GRIK1: variants seen among roughly 807,000 people sequenced by gnomAD.
GRIK1 encodes glutamate ionotropic receptor kainate type subunit 1.
GRIK1 carries 69 observed loss-of-function variants against 105.7 expected under a neutral mutation model. That is an observed-to-expected ratio of 0.65 (90% CI 0.54 to 0.80). The LOEUF (loss-of-function observed/expected upper bound fraction) is 0.80, where lower values mean the gene tolerates loss of function less well. Ranked by LOEUF, GRIK1 falls within the 30% of genes least tolerant of loss-of-function variation. The pLI is 0.00. For missense variants in GRIK1, 1,109 were observed against 1,167.3 expected (o/e 0.95, Z 0.73); for synonymous variants, 438 against 431.3 (o/e 1.02, Z -0.19).
intron 1 of GRIK1, among the ~76,000 whole-genome samples, chr21:29,847,703 A>G (rs2244881): frequency 0.31 from 47,807 of 152,126 alleles, 8,089 homozygotes; most frequent in East Asian, 0.46. Flanking sequence ...TCTTTACTAC[A>G]TCAAGTCAAA....
chr21:29,904,134 G>A (rs1313998904), intron 1 of GRIK1, among the ~76,000 whole-genome samples: 2 of 152,152 alleles, frequency 1.3e-5, no homozygotes, highest in Non-Finnish European at 2.9e-5. Flanking sequence ...GGAATGGGAT[G>A]CTAGGGGAGG....
rs363583 is a variant in GRIK1, at chr21:29,650,505, G to A, written c.954+613C>T. Among the ~76,000 whole-genome samples, 1,135 of 152,312 alleles carry A rather than the reference G, an allele frequency of 7.5e-3. 14 individuals carry two copies. Among genetic ancestry groups the A allele is most frequent in the African/African-American group, 0.026 (1,079 of 41,556 alleles). On this transcript the variant is annotated intron_variant, in intron 6 of 17. Coordinates refer to ENST00000327783, the MANE Select transcript of GRIK1 (RefSeq NM_001330994.2). ...ATTTGACAAGAGACAAATGATGTTAGGGAGAAGCTCTCTGATGAGGCAGTT... is the reference window on the plus strand; with the variant it reads ...ATTTGACAAGAGACAAATGATGTTAAGGAGAAGCTCTCTGATGAGGCAGTT...
At chr21:29,939,354 C>A in intron 1 of GRIK1, 29 bp downstream of exon 1, 1 of 1,313,010 alleles carries the variant, frequency 7.6e-7, no homozygotes, top group Non-Finnish European at 1.1e-6. Context: ...GACCACGTCT[C>A]CCGAGCAGGC....
chr21:29,862,861 A>G (rs760797978), intron 1 of GRIK1, among the ~76,000 whole-genome samples: 7 of 152,232 alleles, frequency 4.6e-5, no homozygotes, highest in Non-Finnish European at 8.8e-5. Flanking sequence ...TTTATGTGCT[A>G]TGCTAAACAC....
chr21:29,799,162 G>A (rs1002424725), intron 1 of GRIK1, among the ~76,000 whole-genome samples: 4 of 152,102 alleles, frequency 2.6e-5, no homozygotes, highest in East Asian at 1.9e-4. Context: ...CACATCTTCC[G>A]TCTTGGACAT....
At chr21:29,706,603 T>G (rs2063913539) in intron 1 of GRIK1, among the ~76,000 whole-genome samples, 1 of 152,222 alleles carries the variant, frequency 6.6e-6, no homozygotes. Flanking sequence ...AGAGAAAATT[T>G]CTTTGTGAAG....
chr21:29,844,679 T>C (rs914590868), intron 1 of GRIK1, among the ~76,000 whole-genome samples: 1 of 152,218 alleles, frequency 6.6e-6, no homozygotes, highest in Non-Finnish European at 1.5e-5. Flanking sequence ...GTAAAACCAT[T>C]CAATACCCTC....
intron 2 of GRIK1, among the ~76,000 whole-genome samples, chr21:29,692,923 G>C (rs547657206): frequency 6.6e-6 from 1 of 152,216 alleles, no homozygotes; most frequent in African/African-American, 2.4e-5. Flanking sequence ...TTTATATTTT[G>C]TTTGCAAAGA....
chr21:29,905,663 G>A (rs1602006537), intron 1 of GRIK1, among the ~76,000 whole-genome samples: 1 of 103,574 alleles, frequency 9.7e-6, no homozygotes, highest in African/African-American at 4.2e-5. Flanking sequence ...GTCTCGCTCT[G>A]TCGCCCAGGC....
rs768950292 is a variant in GRIK1, at chr21:29,927,881, A to AAAAC, written c.118+11498_118+11501dup. On this transcript the variant is annotated intron_variant, in intron 1 of 17. Transcript: ENST00000327783. The stretch of plus-strand genomic sequence containing the variant: ...GCAAGACTCCGTCTCAAAAAAAACA[A>AAAAC]AAACAAACAAACAAACAAAAATATA... Among the ~76,000 whole-genome samples, 4 of 152,266 alleles carry AAAAC rather than the reference A, an allele frequency of 2.6e-5. No homozygotes were observed. In the East Asian group the frequency reaches 5.8e-4, roughly 22 times the overall value.
chr21:29,678,571 C>T (rs2063316189), intron 3 of GRIK1, among the ~76,000 whole-genome samples: 1 of 151,918 alleles, frequency 6.6e-6, no homozygotes, highest in Admixed American at 6.6e-5. Flanking sequence ...GGGCATAGTT[C>T]TGAATATTTA....
chr21:29,793,013 A>G (rs1233759968), intron 1 of GRIK1, among the ~76,000 whole-genome samples: 3 of 152,244 alleles, frequency 2.0e-5, no homozygotes, highest in African/African-American at 7.2e-5. Flanking sequence ...CCCTGTGTCA[A>G]TTAATGCACC....
intron 1 of GRIK1, among the ~76,000 whole-genome samples, chr21:29,717,457 G>A (rs1164062795): frequency 6.6e-6 from 1 of 152,230 alleles, no homozygotes; most frequent in Non-Finnish European, 1.5e-5. Flanking sequence ...GTTATCCAAG[G>A]CTGTGAGAGC....
At chr21:29,784,024 C>A (rs2066194512) in intron 1 of GRIK1, among the ~76,000 whole-genome samples, 1 of 152,146 alleles carries the variant, frequency 6.6e-6, no homozygotes, top group Non-Finnish European at 1.5e-5. Flanking sequence ...GCTGTGCCTC[C>A]CGGGTTCACG....
chr21:29,796,747 G>A (rs1201763346), intron 1 of GRIK1, among the ~76,000 whole-genome samples: 1 of 152,056 alleles, frequency 6.6e-6, no homozygotes, highest in Non-Finnish European at 1.5e-5. Flanking sequence ...CCAAAAGTTC[G>A]AGACCAGCCT....
chr21:29,589,781 T>G (rs1475089811), intron 10 of GRIK1, among the ~76,000 whole-genome samples: 3 of 152,156 alleles, frequency 2.0e-5, no homozygotes, highest in Non-Finnish European at 4.4e-5. Context: ...CTATTTCCTT[T>G]CATTCTTTGC....
At chr21:29,895,918 A>G (rs546984284) in intron 1 of GRIK1, among the ~76,000 whole-genome samples, 28 of 152,276 alleles carry the variant, frequency 1.8e-4, no homozygotes, top group African/African-American at 6.7e-4. Context: ...TCAGTGTAGC[A>G]CTTTCATCTC....
intron 7 of GRIK1, 105 bp downstream of exon 7, chr21:29,642,721 C>G: frequency 1.0e-6 from 1 of 977,826 alleles, no homozygotes; most frequent in Non-Finnish European, 1.6e-6. Context: ...CTTCCTCTCT[C>G]TTAGGGGCAT....
chr21:29,593,268 A>G (rs908256609), intron 9 of GRIK1, among the ~76,000 whole-genome samples: 2 of 152,084 alleles, frequency 1.3e-5, no homozygotes, highest in Non-Finnish European at 1.5e-5. Context: ...AGAAGTGTCT[A>G]TTGGGTTGTA....
Sources: allele counts gnomAD v4.1 joint callset (sites outside exome capture counted in the v4.1 genomes callset), GRCh38; gene constraint gnomAD v4.1.1; transcripts MANE v1.5; gene names NCBI Gene and HGNC (gene_info 2026-07-23, HGNC 2026-07-21).